Variants in ACOT11 observed in about 807,000 individuals in gnomAD.
The protein encoded by ACOT11 is acyl-CoA thioesterase 11, also known as acyl-coenzyme A thioesterase 11.
ACOT11 carries 69 observed loss-of-function variants against 77.5 expected under a neutral mutation model. The ratio of observed to expected loss-of-function variants is 0.89; its 90% CI spans 0.73 to 1.09. ACOT11 has a LOEUF of 1.09. Ranked by LOEUF, ACOT11 falls within the 50% of genes least tolerant of loss-of-function variation. The pLI, the probability that ACOT11 is intolerant of heterozygous loss-of-function variation, is 0.00. For missense variants in ACOT11, 766 were observed against 813.7 expected (o/e 0.94, Z 0.71); for synonymous variants, 279 against 313.0 (o/e 0.89, Z 1.15).
intron 1 of ACOT11, among the ~76,000 whole-genome samples, chr1:54,567,702 C>T (rs1569667662): frequency 6.6e-6 from 1 of 152,164 alleles, no homozygotes; most frequent in East Asian, 1.9e-4. Context: ...CTCGACCACC[C>T]TCTCCAACTG....
At chr1:54,569,128 ATT>A (rs35248943) in intron 1 of ACOT11, among the ~76,000 whole-genome samples, 41 of 138,390 alleles carry the variant, frequency 3.0e-4, no homozygotes, top group Admixed American at 3.6e-4. Context: ...AAAAAAAATA[ATT>A]TTTTTTTTTT....
chr1:54,616,628 C>G (rs1644176657), intron 15 of ACOT11, among the ~76,000 whole-genome samples: 1 of 152,162 alleles, frequency 6.6e-6, no homozygotes, highest in African/African-American at 2.4e-5. Flanking sequence ...CCACCTCAGC[C>G]TCCCAAAGTG....
At chr1:54,566,969 T>C (rs1653755619) in intron 1 of ACOT11, among the ~76,000 whole-genome samples, 1 of 152,124 alleles carries the variant, frequency 6.6e-6, no homozygotes, top group Non-Finnish European at 1.5e-5. Flanking sequence ...GAGGAGGAGG[T>C]TAGACTCTAC....
intron 6 of ACOT11, among the ~76,000 whole-genome samples, chr1:54,595,924 A>G (rs1654882010): frequency 6.6e-6 from 1 of 152,214 alleles, no homozygotes; most frequent in Non-Finnish European, 1.5e-5. Context: ...GCCCAGAGGA[A>G]GCCTCAAGCT....
At position 54,609,644 on chromosome 1, in the gene ACOT11, C is replaced by T. The variant is rs373886982; in HGVS notation, c.*532C>T. ...CTCAGCCACAGCTGTAAGCAGCTCTCTGCCAGCCACATGGCCGGGGACCGA... is the reference window on the plus strand; with the variant it reads ...CTCAGCCACAGCTGTAAGCAGCTCTTTGCCAGCCACATGGCCGGGGACCGA... On this transcript the variant is annotated 3_prime_UTR_variant, in exon 16 of 16. Coordinates refer to ENST00000343744, the MANE Select transcript of ACOT11 (RefSeq NM_147161.4). 1.2e-6 allele frequency: 2 copies of T among 1,613,938 alleles called. No individual in the cohort carries two copies. The highest frequency in any genetic ancestry group is 1.7e-5 in the Admixed American group (1 of 60,036).
intron 1 of ACOT11, among the ~76,000 whole-genome samples, chr1:54,558,192 C>T (rs1263154098): frequency 6.6e-6 from 1 of 152,134 alleles, no homozygotes; most frequent in African/African-American, 2.4e-5. Flanking sequence ...TATATATAGC[C>T]TGTTTCCTGG....
rs1644078234 is a variant in ACOT11 at position 54,609,195 on chromosome 1, GACCTTTATTTCTTCCT to G, written c.*84_*99del. ...CATACAGTGCCTGGAGAAAGCCAAA[GACCTTTATTTCTTCCT>G]GCCTCCCCGTGGGAAGCCTCCGCCC... On this transcript the variant is annotated 3_prime_UTR_variant, in exon 16 of 16. Transcript: ENST00000343744. The G allele has an allele frequency of 1.9e-6, 3 of 1,598,590 alleles. No individual in the cohort carries two copies. Among genetic ancestry groups the G allele is most frequent in the South Asian group, 2.3e-5 (2 of 88,504 alleles).
chr1:54,610,759 G>A, downstream of ACOT11: 1 of 984,054 alleles, frequency 1.0e-6, no homozygotes, highest in South Asian at 4.7e-5. Context: ...AAGTTGCCAG[G>A]AGTGGAACCT....
intron 15 of ACOT11, among the ~76,000 whole-genome samples, chr1:54,620,561 C>G (rs1238080133): frequency 6.8e-6 from 1 of 147,438 alleles, no homozygotes; most frequent in Non-Finnish European, 1.5e-5. Flanking sequence ...CAAAAATTAG[C>G]TGGATGGACG....
At chr1:54,589,912 C>A (rs1654645624) in intron 3 of ACOT11, among the ~76,000 whole-genome samples, 2 of 152,096 alleles carry the variant, frequency 1.3e-5, no homozygotes, top group African/African-American at 2.4e-5. Context: ...CACGGTGAAA[C>A]CCCGTCTCTA....
At position 54,619,199 on chromosome 1, in the gene ACOT11, C is replaced by T. The variant is rs546589174; in HGVS notation, c.1629+11131C>T. Among the ~76,000 whole-genome samples, 6 of 152,212 alleles carry T rather than the reference C, an allele frequency of 3.9e-5. No homozygotes were observed. The East Asian group carries it at 1.2e-3, about 29-fold the overall frequency. On this transcript the variant is annotated intron_variant, in intron 15 of 16. Coordinates refer to the ACOT11 transcript ENST00000371316. Reference sequence around the variant, plus strand: ...ACGTGCCCAGGTTTGAGGACTGTTCCCTTCATCTTTTATAGCTACTGCTTT... The same window carrying T: ...ACGTGCCCAGGTTTGAGGACTGTTCTCTTCATCTTTTATAGCTACTGCTTT...
At chr1:54,596,447 C>G (rs1654901703) in intron 6 of ACOT11, among the ~76,000 whole-genome samples, 1 of 152,242 alleles carries the variant, frequency 6.6e-6, no homozygotes, top group Non-Finnish European at 1.5e-5. Context: ...GGACCCCATG[C>G]ACTGCCTGGC....
At chr1:54,613,853 T>G (rs576344153), downstream of ACOT11, among the ~76,000 whole-genome samples, 20 of 152,260 alleles carry the variant, frequency 1.3e-4, no homozygotes, top group East Asian at 3.3e-3. Flanking sequence ...GAGGAAGAGA[T>G]GGATGGGAAA....
In ACOT11 at chr1:54,607,908, A is replaced by G; in HGVS notation, c.1503-34A>G. 6.2e-7 allele frequency: 1 copy of G among 1,610,864 alleles called. No homozygotes were observed. Among genetic ancestry groups the G allele is most frequent in the Non-Finnish European group, 8.5e-7 (1 of 1,178,396 alleles). On this transcript the variant is annotated intron_variant, in intron 14 of 15. Coordinates refer to ENST00000343744, the MANE Select transcript of ACOT11 (RefSeq NM_147161.4). This position sits in a 1 kb window ranked among gnomAD's most constrained non-coding sequence, Gnocchi z 4.5. Reference sequence around the variant, plus strand: ...AGGCCCCCACTTTCTTCTGTGGCTGACCCCTGTCCCCTTGCTACCCTTCCT... The same window carrying G: ...AGGCCCCCACTTTCTTCTGTGGCTGGCCCCTGTCCCCTTGCTACCCTTCCT...
At chr1:54,585,775 G>T in intron 2 of ACOT11, 60 bp from the exon 3 acceptor site, 1 of 1,583,648 alleles carries the variant, frequency 6.3e-7, no homozygotes, top group South Asian at 1.1e-5. Context: ...GGTGCCATCT[G>T]AGCAGAGGCC....
exon 17 of ACOT11, chr1:54,635,998 C>T (rs2101036798): frequency 6.6e-6 from 1 of 152,422 alleles, no homozygotes; most frequent in East Asian, 1.9e-4. Flanking sequence ...CATGAGCGAT[C>T]TGTGTCTTAC....
intron 13 of ACOT11, among the ~76,000 whole-genome samples, chr1:54,606,750 A>C (rs1015679056): frequency 6.6e-6 from 1 of 152,216 alleles, no homozygotes; most frequent in African/African-American, 2.4e-5. Context: ...CTGCTAAATC[A>C]TCACACATCC....
At chr1:54,592,400 T>C in intron 3 of ACOT11, 146 bp from the exon 4 acceptor site, 1 of 693,582 alleles carries the variant, frequency 1.4e-6, no homozygotes, top group Non-Finnish European at 2.4e-6. Context: ...TTTGAGGACT[T>C]GGTGGTATCG....
chr1:54,614,592 T>C (rs531647231), downstream of ACOT11: 12 of 1,139,866 alleles, frequency 1.1e-5, no homozygotes, highest in African/African-American at 9.3e-5. Flanking sequence ...TGAGGCTATA[T>C]ATAGTATGAT....
Sources: gnomAD v4.1 joint callset for allele counts (sites outside exome capture counted in the v4.1 genomes callset) on GRCh38, gnomAD v4.1.1 for gene constraint, Gnocchi (gnomAD v3.1) non-coding constraint, MANE v1.5 for transcripts, NCBI Gene and HGNC (gene_info 2026-07-23, HGNC 2026-07-21) for gene names.